EXOC6B: variants seen among roughly 807,000 people sequenced by gnomAD.
EXOC6B encodes the protein SEC15 homolog B.
A neutral mutation model predicts 113.5 loss-of-function variants in EXOC6B; 54 were observed. That is an observed-to-expected ratio of 0.48 (90% CI 0.38 to 0.60). The LOEUF (loss-of-function observed/expected upper bound fraction) is 0.60, where lower values mean the gene tolerates loss of function less well. EXOC6B is among the 20% of genes least tolerant of loss of function. The probability of loss-of-function intolerance (pLI) is 0.00; values close to 1 mark genes in which losing one functional copy is unlikely to be tolerated. For missense variants in EXOC6B, 797 were observed against 977.5 expected (o/e 0.82, Z 2.46); for synonymous variants, 357 against 339.0 (o/e 1.05, Z -0.58).
intron 8 of EXOC6B, among the ~76,000 whole-genome samples, chr2:72,535,134 T>C (rs1223796878): frequency 6.6e-6 from 1 of 152,168 alleles, no homozygotes; most frequent in Non-Finnish European, 1.5e-5. Context: ...CACATACTCT[T>C]TAAGAACAAG....
At chr2:72,319,764 A>G (rs1354648914) in intron 20 of EXOC6B, among the ~76,000 whole-genome samples, 1 of 152,240 alleles carries the variant, frequency 6.6e-6, no homozygotes, top group Non-Finnish European at 1.5e-5. Flanking sequence ...GGATTAGAAG[A>G]CTAAAATTGT....
At chr2:72,254,477 T>C (rs1356074193) in intron 20 of EXOC6B, among the ~76,000 whole-genome samples, 1 of 152,198 alleles carries the variant, frequency 6.6e-6, no homozygotes, top group Non-Finnish European at 1.5e-5. Flanking sequence ...CCTCCAGACC[T>C]GTGAGGGAAT....
intron 18 of EXOC6B, among the ~76,000 whole-genome samples, chr2:72,426,738 A>T (rs1695220400): frequency 6.6e-6 from 1 of 152,228 alleles, no homozygotes; most frequent in South Asian, 2.1e-4. Flanking sequence ...TGTTACTGGT[A>T]AGAACTTTCT....
intron 1 of EXOC6B, among the ~76,000 whole-genome samples, chr2:72,792,954 T>A (rs571579837): frequency 6.6e-6 from 1 of 152,330 alleles, no homozygotes; most frequent in East Asian, 1.9e-4. Context: ...TGCATTCTTT[T>A]ATGTTCTGTT....
intron 20 of EXOC6B, among the ~76,000 whole-genome samples, chr2:72,241,054 G>A (rs779487324): frequency 9.2e-5 from 14 of 152,116 alleles, no homozygotes; most frequent in Non-Finnish European, 1.6e-4. Context: ...GGCTTATTGT[G>A]GACAAGATTG....
chr2:72,396,079 T>C (rs1692708185), intron 18 of EXOC6B, among the ~76,000 whole-genome samples: 1 of 152,118 alleles, frequency 6.6e-6, no homozygotes, highest in Non-Finnish European at 1.5e-5. Flanking sequence ...TCAACTTTCA[T>C]ACACCTAGAA....
intron 18 of EXOC6B, among the ~76,000 whole-genome samples, chr2:72,451,047 AC>A (rs1292528859): frequency 1.3e-5 from 2 of 152,152 alleles, no homozygotes; most frequent in Non-Finnish European, 1.5e-5. Flanking sequence ...TTCCTTTACC[AC>A]CTGCAACGTA....
At chr2:72,231,868 G>A (rs1486587945) in intron 20 of EXOC6B, among the ~76,000 whole-genome samples, 2 of 152,056 alleles carry the variant, frequency 1.3e-5, no homozygotes, top group East Asian at 3.9e-4. Context: ...AGCATGTGGC[G>A]ATTTCTCAGA....
At chr2:72,447,540 A>G (rs1696661499) in intron 18 of EXOC6B, among the ~76,000 whole-genome samples, 1 of 152,228 alleles carries the variant, frequency 6.6e-6, no homozygotes, top group Non-Finnish European at 1.5e-5. Flanking sequence ...CATCATTTCT[A>G]AATGCAGGGC....
At chr2:72,647,359 A>G (rs139823770) in intron 6 of EXOC6B, among the ~76,000 whole-genome samples, 2,321 of 152,296 alleles carry the variant, frequency 0.015, 78 homozygotes, top group African/African-American at 0.054. Context: ...TGCCCAAGGT[A>G]ATTTACAGAT....
At chr2:72,696,151 GAC>G (rs1677862646) in intron 6 of EXOC6B, among the ~76,000 whole-genome samples, 2 of 152,160 alleles carry the variant, frequency 1.3e-5, no homozygotes, top group African/African-American at 4.8e-5. Flanking sequence ...ACTGGGGAAA[GAC>G]AATGCAGAAT....
chr2:72,367,349 T>G (rs1690692168), intron 19 of EXOC6B, among the ~76,000 whole-genome samples: 1 of 144,460 alleles, frequency 6.9e-6, no homozygotes, highest in Non-Finnish European at 1.5e-5. Flanking sequence ...AAAAAAGCAA[T>G]GAAAGAAGAA....
chr2:72,301,826 G>C (rs1183136314), intron 20 of EXOC6B, among the ~76,000 whole-genome samples: 1 of 151,910 alleles, frequency 6.6e-6, no homozygotes, highest in Non-Finnish European at 1.5e-5. Flanking sequence ...TTTTTTTTGT[G>C]TCTTGATTTC....
chr2:72,243,943 T>G (rs181002702), intron 20 of EXOC6B, among the ~76,000 whole-genome samples: 33 of 152,296 alleles, frequency 2.2e-4, no homozygotes, highest in African/African-American at 6.5e-4. Context: ...ATATGTTAGT[T>G]CACTATTATA....
At chr2:72,481,297 T>C (rs537459454) in intron 16 of EXOC6B, among the ~76,000 whole-genome samples, 18 of 152,364 alleles carry the variant, frequency 1.2e-4, no homozygotes, top group African/African-American at 2.2e-4. Context: ...AATGGACTAA[T>C]ACGTCCTAGC....
intron 20 of EXOC6B, among the ~76,000 whole-genome samples, chr2:72,251,743 C>T (rs997547970): frequency 1.3e-5 from 2 of 152,018 alleles, no homozygotes; most frequent in African/African-American, 4.8e-5. Flanking sequence ...TTGGTTCTGC[C>T]CTTTTGGAAC....
At chr2:72,288,692 A>T (rs200640222) in intron 20 of EXOC6B, 1 of 65,458 alleles carries the variant, frequency 1.5e-5, no homozygotes, top group Non-Finnish European at 2.7e-5. Flanking sequence ...TGATAGAAAT[A>T]TATATATATA....
intron 6 of EXOC6B, among the ~76,000 whole-genome samples, chr2:72,608,753 G>A (rs1239960149): frequency 6.6e-6 from 1 of 151,806 alleles, no homozygotes; most frequent in African/African-American, 2.4e-5. Flanking sequence ...ATACCAAAAA[G>A]TGAAAAAAAA....
intron 12 of EXOC6B, among the ~76,000 whole-genome samples, chr2:72,498,999 T>C (rs916741901): frequency 6.6e-6 from 1 of 152,094 alleles, no homozygotes; most frequent in Non-Finnish European, 1.5e-5. Flanking sequence ...AACTGCAAAC[T>C]AACTCAGCTG....
Sources: gnomAD v4.1 joint callset for allele counts (sites outside exome capture counted in the v4.1 genomes callset) on GRCh38, gnomAD v4.1.1 for gene constraint, MANE v1.5 for transcripts, NCBI Gene and HGNC (gene_info 2026-07-23, HGNC 2026-07-21) for gene names.